Variants in SNX2 observed in about 807,000 individuals in gnomAD.
SNX2 encodes the protein sorting nexin-2.
In SNX2, 25 loss-of-function variants were observed where a neutral mutation model predicts 69.9. That is an observed-to-expected ratio of 0.36 (90% CI 0.26 to 0.50). SNX2 has a LOEUF of 0.50. SNX2 is among the 20% of genes least tolerant of loss of function. The pLI is 0.97. For synonymous variants in SNX2, 229 were observed against 200.4 expected (o/e 1.14, Z -1.20); for missense variants, 551 against 613.3 (o/e 0.90, Z 1.07).
At chr5:122,814,751 G>GT (rs779471608) in intron 7 of SNX2, among the ~76,000 whole-genome samples, 2,519 of 42,944 alleles carry the variant, frequency 0.059, 31 homozygotes, top group Non-Finnish European at 0.075. Flanking sequence ...AAGATAGCAG[G>GT]TTTTTTTTTG....
At chr5:122,781,563 T>C (rs1228328937) in intron 1 of SNX2, among the ~76,000 whole-genome samples, 1 of 152,204 alleles carries the variant, frequency 6.6e-6, no homozygotes. Flanking sequence ...AAATATAAGC[T>C]TAATTTTAAA....
At chr5:122,827,818 C>T (rs796390269) in intron 14 of SNX2, 172 bp downstream of exon 14, 58 of 516,152 alleles carry the variant, frequency 1.1e-4, no homozygotes, top group African/African-American at 8.9e-4. Flanking sequence ...AACTATCTCA[C>T]GTGTTTTTTT....
In SNX2 at chr5:122,826,200, ACTAAATG is replaced by A; in HGVS notation, c.1356+10_1356+16del. The A allele has an allele frequency of 6.2e-7, 1 of 1,606,540 alleles. No homozygotes were observed. The highest frequency in any genetic ancestry group is 1.1e-5 in the South Asian group (1 of 90,144). On this transcript the variant is annotated splice_region_variant and intron_variant, in intron 12 of 14. Transcript: ENST00000379516. Reference sequence around the variant, plus strand: ...TAAAAATGAAATAAGAGAGGTGATTACTAAATGCTTTAATCTCTTTACTTAAGTTTTG... The same window carrying A: ...TAAAAATGAAATAAGAGAGGTGATTACTTTAATCTCTTTACTTAAGTTTTG...
At chr5:122,783,906 CTCTCTATT>C (rs746498298) in intron 1 of SNX2, among the ~76,000 whole-genome samples, 3 of 124,576 alleles carry the variant, frequency 2.4e-5, no homozygotes, top group Non-Finnish European at 3.5e-5. Flanking sequence ...TAAGCATAAT[CTCTCTATT>C]TATTTAGTTA....
intron 1 of SNX2, among the ~76,000 whole-genome samples, chr5:122,787,479 C>T (rs1225816111): frequency 6.6e-6 from 1 of 151,968 alleles, no homozygotes; most frequent in East Asian, 1.9e-4. Context: ...AAGATTGCAC[C>T]ACTGCACACC....
chr5:122,791,494 C>T (rs1031073305), intron 1 of SNX2, among the ~76,000 whole-genome samples: 1 of 152,228 alleles, frequency 6.6e-6, no homozygotes, highest in South Asian at 2.1e-4. Flanking sequence ...ATTGGCCAGG[C>T]TGGTCTCGAA....
Position 122,829,888 on chromosome 5 carries a change from T to A in SNX2, c.*240T>A. 1 of 535,872 alleles carries A rather than the reference T, an allele frequency of 1.9e-6. No individual in the cohort carries two copies. The highest frequency in any genetic ancestry group is 3.4e-6 in the Non-Finnish European group (1 of 297,324). The allele number at this position is 535,872 out of a possible 1,614,324, so 33.2% of individuals were successfully genotyped here. On this transcript the variant is annotated 3_prime_UTR_variant, in exon 15 of 15. Transcript: ENST00000379516. Reference sequence around the variant, plus strand: ...ACTGTGGCATGACATTCTGCAATACTTTGCTGAATTGAACACTATTGTGTC... The same window carrying A: ...ACTGTGGCATGACATTCTGCAATACATTGCTGAATTGAACACTATTGTGTC...
intron 1 of SNX2, among the ~76,000 whole-genome samples, chr5:122,790,319 C>A (rs1753204238): frequency 6.6e-6 from 1 of 152,112 alleles, no homozygotes; most frequent in Non-Finnish European, 1.5e-5. Context: ...CGGGGTTTCT[C>A]CATGTTGGCC....
intron 7 of SNX2, among the ~76,000 whole-genome samples, chr5:122,810,399 T>TAAAA (rs928838303): frequency 8.2e-6 from 1 of 122,442 alleles, no homozygotes; most frequent in Non-Finnish European, 1.7e-5. Flanking sequence ...AATGATCAAT[T>TAAAA]AAAAAAAAAA....
intron 1 of SNX2, among the ~76,000 whole-genome samples, chr5:122,784,443 C>A (rs1753038462): frequency 6.6e-6 from 1 of 151,552 alleles, no homozygotes. Context: ...GCTTTTTCTG[C>A]ATTCATTATG....
chr5:122,787,572 C>T (rs777216663), intron 1 of SNX2, among the ~76,000 whole-genome samples: 3 of 151,842 alleles, frequency 2.0e-5, no homozygotes, highest in African/African-American at 4.8e-5. Flanking sequence ...GGCAGTTGAG[C>T]GGGGTACTCC....
Position 122,818,802 on chromosome 5 carries a change from T to G in SNX2, c.1007-16T>G. The G allele has an allele frequency of 6.2e-7, 1 of 1,604,372 alleles. No homozygotes were observed. The highest frequency in any genetic ancestry group is 8.5e-7 in the Non-Finnish European group (1 of 1,176,636). On this transcript the variant is annotated splice_polypyrimidine_tract_variant and intron_variant, in intron 10 of 14. Coordinates refer to ENST00000379516, the MANE Select transcript of SNX2 (RefSeq NM_003100.4). ...TGAGTGAACACTAAAATTGCATACT[T>G]TTTTTTAAATTTCAGAACTTTCAGC...
intron 11 of SNX2, among the ~76,000 whole-genome samples, chr5:122,821,182 G>A (rs1754013511): frequency 6.6e-6 from 1 of 152,134 alleles, no homozygotes; most frequent in Non-Finnish European, 1.5e-5. Flanking sequence ...ATACATGATA[G>A]TTCTAATAGC....
Position 122,827,414 on chromosome 5 carries a change from T to C in SNX2, c.1392T>C (p.Phe464=), listed in dbSNP as rs1754175712. 6.2e-7 allele frequency: 1 copy of C among 1,613,450 alleles called. No individual in the cohort carries two copies. The highest frequency in any genetic ancestry group is 1.7e-5 in the Admixed American group (1 of 59,986). Residue 464 remains phenylalanine (F), a synonymous_variant, in exon 13 of 15, where the codon TTT becomes TTC. Transcript: ENST00000379516. ...AAGTGCAACAAGGGGAAAGAGATTT[T>C]GAACAGATATCTAAAACGATTCGAA... ...EAKVQQGERD[F]EQISKTIRKE...
chr5:122,805,529 A>G (rs1347899556), intron 6 of SNX2, among the ~76,000 whole-genome samples: 2 of 152,248 alleles, frequency 1.3e-5, no homozygotes, highest in Non-Finnish European at 2.9e-5. Flanking sequence ...ATGTATTTAG[A>G]TGAATTTGTT....
chr5:122,778,283 T>C (rs1236825360), intron 1 of SNX2, among the ~76,000 whole-genome samples: 1 of 152,174 alleles, frequency 6.6e-6, no homozygotes, highest in Non-Finnish European at 1.5e-5. Context: ...GCAGTAAACA[T>C]GGGGGCACAG....
At chr5:122,806,142 G>GCGCGCACGCGCACACACACACA in intron 6 of SNX2, among the ~76,000 whole-genome samples, 8 of 130,582 alleles carry the variant, frequency 6.1e-5, no homozygotes, top group African/African-American at 2.0e-4. Flanking sequence ...ACACGCGCGC[G>GCGCGCACGCGCACACACACACA]CACACACACA....
chr5:122,817,007 C>G lies in SNX2; in HGVS notation c.891C>G (p.Ile297Met). The change falls in exon 9 of 15, where the codon ATC becomes ATG. Residue 297 changes from isoleucine (I) to methionine (M), a missense_variant. By Grantham distance (10) the Ile-to-Met change is conservative. This residue lies in a region of SNX2 where 360 missense variants were observed against 450.4 expected (regional missense o/e 0.80). Transcript: ENST00000379516. ...KAADAVNKMT[I>M]KMNESDAWFE... Reference sequence around the variant, plus strand: ...CCGACGCTGTCAACAAAATGACAATCAAGATGAATGAATCGGATGCAGTAA... The same window carrying G: ...CCGACGCTGTCAACAAAATGACAATGAAGATGAATGAATCGGATGCAGTAA... 2 of 1,612,984 alleles carry G rather than the reference C, an allele frequency of 1.2e-6. No homozygotes were observed. Among genetic ancestry groups the G allele is most frequent in the Non-Finnish European group, 1.7e-6 (2 of 1,179,232 alleles).
At chr5:122,810,299 G>A (rs1172547421) in intron 7 of SNX2, among the ~76,000 whole-genome samples, 1 of 146,592 alleles carries the variant, frequency 6.8e-6, no homozygotes, top group East Asian at 2.0e-4. Flanking sequence ...AGGAAAACCA[G>A]AGACCTTTGT....
Sources: gnomAD v4.1 joint callset for allele counts (sites outside exome capture counted in the v4.1 genomes callset) on GRCh38, gnomAD v4.1.1 for gene constraint, gnomAD v4.1.1 regional missense constraint, MANE v1.5 for transcripts, NCBI Gene and HGNC (gene_info 2026-07-23, HGNC 2026-07-21) for gene names.